The following GALNT11 variants were observed in gnomAD, a reference collection of about 807,000 sequenced individuals.
GALNT11 encodes the protein polypeptide N-acetylgalactosaminyltransferase 11, also known as UDP-GalNAc:polypeptide N-acetylgalactosaminyltransferase 11.
A neutral mutation model predicts 72.7 loss-of-function variants in GALNT11; 47 were observed. That is an observed-to-expected ratio of 0.65 (90% CI 0.51 to 0.82). GALNT11 has a LOEUF of 0.82. Among genes scored for constraint, GALNT11 ranks in the 40% least tolerant of loss-of-function variants. The probability of loss-of-function intolerance (pLI) is 0.00; values close to 1 mark genes in which losing one functional copy is unlikely to be tolerated. For synonymous variants in GALNT11, 270 were observed against 286.6 expected (o/e 0.94, Z 0.58); for missense variants, 677 against 778.4 (o/e 0.87, Z 1.55).
Position 152,072,314 on chromosome 7 carries a change from CAAAA to C in GALNT11, c.-38-21861_-38-21858del, listed in dbSNP as rs754741694. ...TAGGTGACAGAGTGAGACTCCGTCT[CAAAA>C]AAAAAAAAAAAAAAGAAAAAAGAAA... On this transcript the variant is annotated intron_variant, in intron 1 of 11. Transcript: ENST00000430044. Among the ~76,000 whole-genome samples the C allele has an allele frequency of 3.6e-3, 226 of 62,308 alleles. 4 individuals carry two copies. The East Asian group carries it at 0.087, about 24-fold the overall frequency. The allele number at this position is 62,308 out of a possible 152,430, so 40.9% of individuals were successfully genotyped here. A position where few individuals can be genotyped will look rare whatever the true frequency, so the allele number is the denominator to read the frequency against.
chr7:152,028,176 C>G (rs1048430741), intron 1 of GALNT11, among the ~76,000 whole-genome samples: 1 of 152,162 alleles, frequency 6.6e-6, no homozygotes, highest in African/African-American at 2.4e-5. Flanking sequence ...AGCAGGTTGC[C>G]GCTGCTGGCT....
chr7:152,069,993 TTTTCTTTTTC>T lies in GALNT11; in HGVS notation c.-38-24193_-38-24184del, dbSNP rs2084535603. Among the ~76,000 whole-genome samples, 14 of 143,000 alleles carry T rather than the reference TTTTCTTTTTC, an allele frequency of 9.8e-5. No individual in the cohort carries two copies. The South Asian group carries it at 3.0e-3, about 31-fold the overall frequency. The allele number at this position is 143,000 out of a possible 152,430, so 93.8% of individuals were successfully genotyped here. A position where few individuals can be genotyped will look rare whatever the true frequency, so the allele number is the denominator to read the frequency against. On this transcript the variant is annotated intron_variant, in intron 1 of 11. Coordinates refer to ENST00000430044, the MANE Select transcript of GALNT11 (RefSeq NM_022087.4). ...TTTTTCTTTCTTTTTTCTTTTTTCT[TTTTCTTTTTC>T]TTTTTTTTTTTGAGACAGAGTCTCC...
chr7:152,058,211 A>G (rs1028940263), intron 1 of GALNT11, among the ~76,000 whole-genome samples: 5 of 152,214 alleles, frequency 3.3e-5, no homozygotes, highest in Non-Finnish European at 7.3e-5. Flanking sequence ...TTATTGTTCA[A>G]AAATGCTAAT....
intron 6 of GALNT11, 80 bp downstream of exon 6, chr7:152,108,367 CCTT>C (rs2087814717): frequency 3.9e-6 from 6 of 1,521,664 alleles, no homozygotes; most frequent in African/African-American, 1.4e-5. Context: ...GATAATTCCT[CCTT>C]CTTTGTAAGG....
chr7:152,111,622 G>A (rs2088208700), intron 7 of GALNT11, among the ~76,000 whole-genome samples: 1 of 147,094 alleles, frequency 6.8e-6, no homozygotes, highest in Admixed American at 6.6e-5. Flanking sequence ...CACTCTGTGT[G>A]TGTGTGTATA....
intron 1 of GALNT11, among the ~76,000 whole-genome samples, chr7:152,071,291 T>G (rs10265950): frequency 0.16 from 24,238 of 151,302 alleles, 4,699 homozygotes; most frequent in African/African-American, 0.46. Context: ...CACCTGGGGG[T>G]GCTGTTTATA....
chr7:152,037,931 G>A (rs575767867), intron 1 of GALNT11, among the ~76,000 whole-genome samples: 1 of 152,088 alleles, frequency 6.6e-6, no homozygotes, highest in East Asian at 1.9e-4. Context: ...ACCACACCCG[G>A]CTAATTTTTG....
intron 1 of GALNT11, among the ~76,000 whole-genome samples, chr7:152,031,619 T>C (rs142926995): frequency 1.2e-4 from 19 of 152,362 alleles, no homozygotes; most frequent in African/African-American, 4.6e-4. Flanking sequence ...CTTTTGCTAC[T>C]ACATCAATTT....
chr7:152,094,391 T>A lies in GALNT11; in HGVS notation c.164T>A (p.Phe55Tyr). ...CCCCACGGACCATCTCCAAAAAAAT[T>A]CTATCCCCGTTTCACTCGAGGCCCA... Reference protein sequence around the residue: ...SGPHGPSPKKFYPRFTRGPSR... With the variant: ...SGPHGPSPKKYYPRFTRGPSR... The change falls in exon 2 of 12, where the codon TTC becomes TAC. Residue 55 changes from phenylalanine (F) to tyrosine (Y), a missense_variant. Physicochemically the swap from Phe to Tyr is conservative, Grantham distance 22. Transcript: ENST00000430044. The surrounding 1 kb of genome is among the most constrained non-coding windows in gnomAD (Gnocchi z 4.3). 1 of 1,614,136 alleles carries A rather than the reference T, an allele frequency of 6.2e-7. No homozygotes were observed. Among genetic ancestry groups the A allele is most frequent in the Non-Finnish European group, 8.5e-7 (1 of 1,180,024 alleles).
At chr7:152,080,372 T>A (rs2085248588) in intron 1 of GALNT11, among the ~76,000 whole-genome samples, 1 of 152,208 alleles carries the variant, frequency 6.6e-6, no homozygotes, top group South Asian at 2.1e-4. Flanking sequence ...GGAGTTTCTG[T>A]CTAAGAAATT....
intron 7 of GALNT11, 31 bp downstream of exon 7, chr7:152,110,676 A>G (rs944583821): frequency 3.0e-6 from 4 of 1,337,194 alleles, no homozygotes; most frequent in Non-Finnish European, 4.3e-6. Context: ...TCAATTAATA[A>G]CTGTGTAGTG....
At chr7:152,037,415 GTC>G (rs1469913426) in intron 1 of GALNT11, among the ~76,000 whole-genome samples, 4 of 152,118 alleles carry the variant, frequency 2.6e-5, no homozygotes, top group Non-Finnish European at 5.9e-5. Flanking sequence ...TGTTTCATTG[GTC>G]TGTGTGTCTG....
At chr7:152,033,181 C>T (rs2082388471) in intron 1 of GALNT11, among the ~76,000 whole-genome samples, 1 of 152,186 alleles carries the variant, frequency 6.6e-6, no homozygotes, top group South Asian at 2.1e-4. Context: ...GGGCAGTGCG[C>T]CTTCCAGTGA....
chr7:152,072,298 G>C (rs557906507), intron 1 of GALNT11, among the ~76,000 whole-genome samples: 1 of 144,352 alleles, frequency 6.9e-6, no homozygotes, highest in South Asian at 2.2e-4. Context: ...CTAGGTGACA[G>C]AGTGAGACTC....
chr7:152,105,484 C>T (rs746908124), intron 5 of GALNT11, 114 bp downstream of exon 5: 2 of 1,431,370 alleles, frequency 1.4e-6, no homozygotes, highest in Non-Finnish European at 1.9e-6. Flanking sequence ...ACGGACATTG[C>T]CAGCAGGAGA....
rs1280419747 is a variant in GALNT11, at chr7:152,122,224, AATCT to A, written c.*550_*553del. ...GTAAGTAGATCATTTTAAAAAACTG[AATCT>A]ATATTATGTTTAACTTCAGAAGGCA... On this transcript the variant is annotated 3_prime_UTR_variant, in exon 12 of 12. Transcript: ENST00000430044. The A allele has an allele frequency of 6.6e-6, 1 of 152,180 alleles. No individual in the cohort carries two copies. The highest frequency in any genetic ancestry group is 2.4e-5 in the African/African-American group (1 of 41,452). 9.4% of individuals were successfully genotyped at this position (152,180 alleles called of 1,614,324 possible). A position where few individuals can be genotyped will look rare whatever the true frequency, so the allele number is the denominator to read the frequency against.
chr7:152,053,347 C>G (rs534695581), intron 1 of GALNT11, among the ~76,000 whole-genome samples: 1 of 152,304 alleles, frequency 6.6e-6, no homozygotes, highest in South Asian at 2.1e-4. Context: ...TTGCTTTTCT[C>G]TTTGGAAAAC....
At chr7:152,057,971 GT>G (rs2083780579) in intron 1 of GALNT11, among the ~76,000 whole-genome samples, 1 of 152,028 alleles carries the variant, frequency 6.6e-6, no homozygotes, top group Non-Finnish European at 1.5e-5. Flanking sequence ...CACTTTCCTC[GT>G]TTTTGATGAC....
At chr7:152,113,112 G>T (rs905955834) in intron 7 of GALNT11, 134 bp from the exon 8 acceptor site, 3 of 866,168 alleles carry the variant, frequency 3.5e-6, no homozygotes, top group African/African-American at 1.7e-5. Context: ...TTGAATATTT[G>T]TATCTAATAA....
Sources: allele counts gnomAD v4.1 joint callset (sites outside exome capture counted in the v4.1 genomes callset), GRCh38; gene constraint gnomAD v4.1.1; non-coding constraint Gnocchi (gnomAD v3.1); transcripts MANE v1.5; gene names NCBI Gene and HGNC (gene_info 2026-07-23, HGNC 2026-07-21).